EPDR1: variants seen among roughly 807,000 people sequenced by gnomAD.
EPDR1 encodes the protein mammalian ependymin-related protein 1.
A neutral mutation model predicts 23.7 loss-of-function variants in EPDR1; 27 were observed. The ratio of observed to expected loss-of-function variants is 1.14; its 90% CI spans 0.84 to 1.57. The LOEUF (loss-of-function observed/expected upper bound fraction) is 1.57. Among genes scored for constraint, EPDR1 ranks in the 40% most tolerant of loss-of-function variants. The pLI is 0.00. For missense variants in EPDR1, 349 were observed against 290.4 expected (o/e 1.20, Z -1.47); for synonymous variants, 137 against 118.2 (o/e 1.16, Z -1.03).
chr7:37,949,916 A>C (rs1335914233), intron 2 of EPDR1, among the ~76,000 whole-genome samples: 1 of 152,202 alleles, frequency 6.6e-6, no homozygotes, highest in East Asian at 1.9e-4. Context: ...AGAGTCGTCA[A>C]ATTCATAGAG....
chr7:37,921,143 C>A lies in EPDR1; in HGVS notation c.204C>A (p.Ser68=), dbSNP rs778559607. 1.5e-5 allele frequency: 24 copies of A among 1,596,610 alleles called. No individual in the cohort carries two copies. The highest frequency in any genetic ancestry group is 1.9e-5 in the Non-Finnish European group (22 of 1,179,038). Residue 68 remains serine, a synonymous_variant, in exon 1 of 3, where the codon TCC becomes TCA. Transcript: ENST00000199448. ...GGCGCAACAGCCGCGCCCTGCTCTC[C>A]TACGACGGGCTCAACCAGCGCGTGC... ...SSGRNSRALL[S]YDGLNQRVRV...
intron 1 of EPDR1, among the ~76,000 whole-genome samples, chr7:37,929,491 T>A (rs11772143): frequency 0.17 from 26,288 of 152,178 alleles, 2,405 homozygotes; most frequent in Middle Eastern, 0.23. Flanking sequence ...CTGACTAATT[T>A]TTATTTTTTT....
chr7:37,931,166 T>A (rs925786894), intron 1 of EPDR1, among the ~76,000 whole-genome samples: 2 of 152,170 alleles, frequency 1.3e-5, no homozygotes, highest in African/African-American at 2.4e-5. Flanking sequence ...GTATACAATT[T>A]GGGTAAAAAT....
chr7:37,929,327 G>A (rs1056328039), intron 1 of EPDR1, among the ~76,000 whole-genome samples: 1 of 152,132 alleles, frequency 6.6e-6, no homozygotes, highest in Non-Finnish European at 1.5e-5. Flanking sequence ...TTGTATGGTT[G>A]TTGCTGTGTC....
chr7:37,949,911 C>A (rs994491028), intron 2 of EPDR1, among the ~76,000 whole-genome samples: 2 of 152,094 alleles, frequency 1.3e-5, no homozygotes, highest in African/African-American at 4.8e-5. Context: ...TATGTAGAGT[C>A]GTCAAATTCA....
rs777770898 is a variant in EPDR1 at position 37,920,834 on chromosome 7, C to G, written c.-106C>G. 8.1e-6 allele frequency: 13 copies of G among 1,610,536 alleles called. No individual in the cohort carries two copies. The highest frequency in any genetic ancestry group is 7.6e-6 in the Non-Finnish European group (9 of 1,178,554). On this transcript the variant is annotated 5_prime_UTR_variant, in exon 1 of 3. Transcript: ENST00000199448. ...AGGAAGCACTTTGGTCCAGACCACA[C>G]TCCCGGCACAGTGCGGAAAGAGCCG...
At chr7:37,923,972 C>T (rs1785766502) in intron 1 of EPDR1, among the ~76,000 whole-genome samples, 1 of 152,218 alleles carries the variant, frequency 6.6e-6, no homozygotes, top group Non-Finnish European at 1.5e-5. Flanking sequence ...GTTACCATAG[C>T]CCAGAGACTT....
chr7:37,930,057 C>T (rs1314300554), intron 1 of EPDR1, among the ~76,000 whole-genome samples: 1 of 152,180 alleles, frequency 6.6e-6, no homozygotes, highest in Admixed American at 6.5e-5. Context: ...ATGATGGCTC[C>T]CCTAAAGAAG....
chr7:37,949,848 G>A (rs1786359593), intron 2 of EPDR1, among the ~76,000 whole-genome samples: 1 of 152,206 alleles, frequency 6.6e-6, no homozygotes, highest in Non-Finnish European at 1.5e-5. Flanking sequence ...AATGTTAAGA[G>A]AAACAATGCA....
intron 1 of EPDR1, among the ~76,000 whole-genome samples, chr7:37,941,567 C>T (rs556146813): frequency 4.6e-5 from 7 of 152,256 alleles, no homozygotes; most frequent in South Asian, 2.1e-4. Context: ...GAATGACAAA[C>T]GCTCAAATAG....
intron 1 of EPDR1, among the ~76,000 whole-genome samples, chr7:37,922,196 G>C (rs994294337): frequency 6.6e-6 from 1 of 152,132 alleles, no homozygotes; most frequent in Non-Finnish European, 1.5e-5. Flanking sequence ...CCAATGGACT[G>C]TAAGATCTAT....
chr7:37,939,749 A>G (rs1284097829), intron 1 of EPDR1, among the ~76,000 whole-genome samples: 2 of 152,228 alleles, frequency 1.3e-5, no homozygotes, highest in Admixed American at 6.5e-5. Context: ...TAGTAGTCAG[A>G]TACCATTTCT....
chr7:37,947,587 A>ATAAT (rs1039830879), intron 1 of EPDR1, among the ~76,000 whole-genome samples: 6 of 152,184 alleles, frequency 3.9e-5, no homozygotes, highest in African/African-American at 1.4e-4. Flanking sequence ...TAAGCCACAG[A>ATAAT]TAATTTGTTG....
At chr7:37,927,894 C>A (rs1307691564) in intron 1 of EPDR1, among the ~76,000 whole-genome samples, 2 of 152,100 alleles carry the variant, frequency 1.3e-5, no homozygotes, top group Non-Finnish European at 2.9e-5. Flanking sequence ...CCTCCTGATC[C>A]TCAAAGAATA....
intron 1 of EPDR1, among the ~76,000 whole-genome samples, chr7:37,932,909 C>T (rs1785973560): frequency 6.6e-6 from 1 of 152,232 alleles, no homozygotes; most frequent in African/African-American, 2.4e-5. Flanking sequence ...ATTTCTCAAG[C>T]ACTTTTTTCA....
At chr7:37,923,649 G>T (rs759122292) in intron 1 of EPDR1, among the ~76,000 whole-genome samples, 1 of 151,974 alleles carries the variant, frequency 6.6e-6, no homozygotes, top group Non-Finnish European at 1.5e-5. Context: ...GAAGGATAAG[G>T]GTTCATCTCT....
intron 1 of EPDR1, among the ~76,000 whole-genome samples, chr7:37,946,826 GA>G (rs1188507094): frequency 6.6e-6 from 1 of 150,732 alleles, no homozygotes; most frequent in African/African-American, 2.4e-5. Flanking sequence ...TTTTAAAATA[GA>G]AAAAAGCATA....
chr7:37,946,751 G>A (rs917435131), intron 1 of EPDR1, among the ~76,000 whole-genome samples: 11 of 151,994 alleles, frequency 7.2e-5, no homozygotes, highest in Non-Finnish European at 1.0e-4. Context: ...CCTTGTGTAG[G>A]CCTGGCTAAT....
At chr7:37,938,590 C>A (rs1247982575) in intron 1 of EPDR1, among the ~76,000 whole-genome samples, 2 of 152,158 alleles carry the variant, frequency 1.3e-5, no homozygotes, top group Non-Finnish European at 2.9e-5. Context: ...AGAAACTTAC[C>A]ATGACTTCTG....
Sources: allele counts gnomAD v4.1 joint callset (sites outside exome capture counted in the v4.1 genomes callset), GRCh38; gene constraint gnomAD v4.1.1; transcripts MANE v1.5; gene names NCBI Gene and HGNC (gene_info 2026-07-23, HGNC 2026-07-21).